KLF12: variants seen among roughly 807,000 people sequenced by gnomAD.
KLF12 encodes the protein KLF transcription factor 12.
KLF12 carries 9 observed loss-of-function variants against 37.8 expected under a neutral mutation model. The ratio of observed to expected loss-of-function variants is 0.24; its 90% CI spans 0.14 to 0.42. The LOEUF (loss-of-function observed/expected upper bound fraction) is 0.42. KLF12 is among the 10% of genes least tolerant of loss of function. KLF12 has a pLI of 1.00. For synonymous variants in KLF12, 208 were observed against 202.1 expected (o/e 1.03, Z -0.25); for missense variants, 411 against 516.0 (o/e 0.80, Z 1.97).
At chr13:73,705,924 T>C (rs370890499) in intron 7 of KLF12, among the ~76,000 whole-genome samples, 85 of 152,114 alleles carry the variant, frequency 5.6e-4, no homozygotes, top group African/African-American at 2.0e-3. Flanking sequence ...GAAGCAGAGG[T>C]GGGTGGATCA....
intron 1 of KLF12, among the ~76,000 whole-genome samples, chr13:74,079,750 GA>G (rs1397470340): frequency 6.6e-6 from 1 of 152,170 alleles, no homozygotes; most frequent in Non-Finnish European, 1.5e-5. Context: ...GCAAGAAAGT[GA>G]AAAATCGAAA....
At chr13:73,762,034 T>C (rs1428198678) in intron 6 of KLF12, among the ~76,000 whole-genome samples, 1 of 152,210 alleles carries the variant, frequency 6.6e-6, no homozygotes, top group Non-Finnish European at 1.5e-5. Flanking sequence ...CTTTAATTAA[T>C]TCAATACTAA....
the KLF12 span, among the ~76,000 whole-genome samples, chr13:74,179,744 G>A: frequency 5.3e-5 from 8 of 152,092 alleles, no homozygotes; most frequent in East Asian, 1.3e-3. Context: ...AAAACCGACA[G>A]CTTTATCCCT....
chr13:74,146,315 T>C, the KLF12 span, among the ~76,000 whole-genome samples: 1 of 152,208 alleles, frequency 6.6e-6, no homozygotes, highest in Non-Finnish European at 1.5e-5. Context: ...AACCCTTCAA[T>C]AACCTTTATT....
the KLF12 span, chr13:74,258,504 G>T: frequency 6.6e-6 from 1 of 152,086 alleles, no homozygotes; most frequent in Admixed American, 6.6e-5. Context: ...TAATAACCAG[G>T]ACTCAATAAT....
the KLF12 span, among the ~76,000 whole-genome samples, chr13:74,140,176 GT>G: frequency 2.0e-5 from 3 of 152,086 alleles, no homozygotes; most frequent in Non-Finnish European, 4.4e-5. Context: ...GAGAATATGA[GT>G]TTATTTTTAC....
the KLF12 span, among the ~76,000 whole-genome samples, chr13:74,184,476 A>C: frequency 6.6e-6 from 1 of 152,192 alleles, no homozygotes; most frequent in East Asian, 1.9e-4. Flanking sequence ...CCAACTCCCA[A>C]GGATGCAGCA....
intron 7 of KLF12, 31 bp from the exon 8 acceptor site, chr13:73,695,702 T>C: frequency 6.2e-7 from 1 of 1,604,856 alleles, no homozygotes; most frequent in Non-Finnish European, 8.5e-7. Flanking sequence ...CAAGCTTTGG[T>C]GCTCCATCCA....
At chr13:73,844,039 G>C (rs1168716390) in intron 4 of KLF12, among the ~76,000 whole-genome samples, 1 of 151,826 alleles carries the variant, frequency 6.6e-6, no homozygotes, top group African/African-American at 2.4e-5. Context: ...AATCACTTTT[G>C]TTTCTTTCAT....
chr13:73,805,606 A>AAGGAAGGG (rs1566379960), intron 5 of KLF12, among the ~76,000 whole-genome samples: 1 of 50,112 alleles, frequency 2.0e-5, no homozygotes, highest in Non-Finnish European at 3.8e-5. Context: ...GCACTGTCAG[A>AAGGAAGGG]AGGAAGGGAG....
rs547580246 is a variant in KLF12 at position 74,027,930 on chromosome 13, T to C, written c.-31-32877A>G. On this transcript the variant is annotated intron_variant, in intron 1 of 7. Transcript: ENST00000377669. ...ATTATTTCATCACGATTACCCACTT[T>C]AATCCAAAACAGTATGTCAACAATT... Among the ~76,000 whole-genome samples, 71 of 152,318 alleles carry C rather than the reference T, an allele frequency of 4.7e-4. No homozygotes were observed. The South Asian group carries it at 0.015, about 32-fold the overall frequency.
chr13:73,724,961 C>T (rs1306810773), intron 6 of KLF12, among the ~76,000 whole-genome samples: 1 of 150,814 alleles, frequency 6.6e-6, no homozygotes, highest in Non-Finnish European at 1.5e-5. Context: ...GTTAGAACTA[C>T]ACACTTACGC....
intron 3 of KLF12, among the ~76,000 whole-genome samples, chr13:73,895,535 C>T (rs1392125159): frequency 6.6e-6 from 1 of 152,062 alleles, no homozygotes; most frequent in Admixed American, 6.6e-5. Flanking sequence ...TGCCAGTCCT[C>T]GTATCTTTAT....
chr13:73,849,961 G>T (rs1328704080), intron 3 of KLF12, among the ~76,000 whole-genome samples: 1 of 152,098 alleles, frequency 6.6e-6, no homozygotes, highest in Admixed American at 6.5e-5. Context: ...GATTGTATAA[G>T]AACACTGGAT....
At chr13:74,203,680 G>A in the KLF12 span, among the ~76,000 whole-genome samples, 1 of 152,144 alleles carries the variant, frequency 6.6e-6, no homozygotes, top group Admixed American at 6.6e-5. Flanking sequence ...TGGCAAAGAG[G>A]GTTTAAAATG....
the KLF12 span, among the ~76,000 whole-genome samples, chr13:74,217,786 G>T: frequency 6.6e-6 from 1 of 152,162 alleles, no homozygotes; most frequent in Non-Finnish European, 1.5e-5. Flanking sequence ...AAGAAACATG[G>T]AGAATGCTAC....
the KLF12 span, among the ~76,000 whole-genome samples, chr13:74,223,140 T>A: frequency 6.3e-4 from 96 of 152,358 alleles, no homozygotes; most frequent in African/African-American, 2.2e-3. Flanking sequence ...TTAATTTAGT[T>A]GGCTAGGATG....
At chr13:73,725,443 A>G (rs1876589667) in intron 6 of KLF12, among the ~76,000 whole-genome samples, 1 of 152,212 alleles carries the variant, frequency 6.6e-6, no homozygotes, top group Non-Finnish European at 1.5e-5. Flanking sequence ...TTTCTGAACT[A>G]AGGAAACTTA....
At chr13:73,766,380 A>T (rs1879915860) in intron 5 of KLF12, among the ~76,000 whole-genome samples, 1 of 152,206 alleles carries the variant, frequency 6.6e-6, no homozygotes. Context: ...CAGTATCCTA[A>T]ATTGGACAAA....
Sources: gnomAD v4.1 joint callset for allele counts (sites outside exome capture counted in the v4.1 genomes callset) on GRCh38, gnomAD v4.1.1 for gene constraint, MANE v1.5 for transcripts, NCBI Gene and HGNC (gene_info 2026-07-23, HGNC 2026-07-21) for gene names.